The following BZW2 variants were observed in gnomAD, a reference collection of about 807,000 sequenced individuals.
BZW2 encodes basic leucine zipper and W2 domains 2.
In BZW2, 23 loss-of-function variants were observed where a neutral mutation model predicts 53.2. The observed-to-expected ratio is 0.43, with a 90% confidence interval of 0.31 to 0.61. The LOEUF is 0.61. BZW2 is among the 20% of genes least tolerant of loss of function. BZW2 has a pLI of 0.09. For missense variants in BZW2, 409 were observed against 503.1 expected (o/e 0.81, Z 1.79); for synonymous variants, 227 against 186.4 (o/e 1.22, Z -1.77).
intron 1 of BZW2, among the ~76,000 whole-genome samples, chr7:16,650,522 T>G (rs928825012): frequency 1.3e-5 from 2 of 152,208 alleles, no homozygotes; most frequent in Non-Finnish European, 2.9e-5. Flanking sequence ...ACTCAGTGTT[T>G]GCTTAGCTGA....
chr7:16,673,900 T>C (rs1782684417), intron 2 of BZW2, among the ~76,000 whole-genome samples: 1 of 152,102 alleles, frequency 6.6e-6, no homozygotes, highest in African/African-American at 2.4e-5. Context: ...GTTATTATTA[T>C]TATTTTTAAT....
chr7:16,648,941 T>C (rs920613152), intron 1 of BZW2, among the ~76,000 whole-genome samples: 3 of 152,200 alleles, frequency 2.0e-5, no homozygotes, highest in African/African-American at 7.2e-5. Flanking sequence ...TACATGCTAG[T>C]AAATACATTT....
In BZW2 at chr7:16,666,501, C is replaced by G. The variant is rs1364540953; in HGVS notation, c.58+1000C>G. ...CACTGCAACCTCCTCCTCCCAGGTT[C>G]AAGCGATTCTCCTGCCTCAGCCTCC... On this transcript the variant is annotated intron_variant, in intron 2 of 11. Coordinates refer to ENST00000258761, the MANE Select transcript of BZW2 (RefSeq NM_014038.3). 3.0e-4 allele frequency among the ~76,000 whole-genome samples: 46 copies of G among 151,980 alleles called. 1 individual carries two copies. The highest frequency in any genetic ancestry group is 3.0e-3 in the Admixed American group (46 of 15,252).
At chr7:16,656,655 G>A (rs1782133641) in intron 1 of BZW2, among the ~76,000 whole-genome samples, 1 of 150,968 alleles carries the variant, frequency 6.6e-6, no homozygotes, top group Admixed American at 6.6e-5. Context: ...TTTAATTGTT[G>A]CAAAATGGTG....
At chr7:16,683,132 G>T (rs1410590908) in intron 5 of BZW2, among the ~76,000 whole-genome samples, 1 of 152,118 alleles carries the variant, frequency 6.6e-6, no homozygotes, top group Non-Finnish European at 1.5e-5. Context: ...GGCAGCAGAG[G>T]CTTCAGTAAG....
At chr7:16,684,964 C>T (rs193246285) in intron 5 of BZW2, among the ~76,000 whole-genome samples, 9 of 152,310 alleles carry the variant, frequency 5.9e-5, no homozygotes, top group African/African-American at 1.4e-4. Context: ...ACACTTAAGT[C>T]TCTATCAATG....
intron 5 of BZW2, among the ~76,000 whole-genome samples, chr7:16,685,586 T>C (rs1426302601): frequency 2.6e-5 from 4 of 152,194 alleles, no homozygotes; most frequent in Non-Finnish European, 5.9e-5. Context: ...TACTTAACTC[T>C]CTTGCATGCA....
At chr7:16,667,053 C>T (rs540359744) in intron 2 of BZW2, among the ~76,000 whole-genome samples, 28 of 152,174 alleles carry the variant, frequency 1.8e-4, no homozygotes, top group South Asian at 2.1e-4. Flanking sequence ...GAGGCCGAGG[C>T]GAGTGGATCA....
Position 16,676,513 on chromosome 7 carries a change from G to A in BZW2, c.235+1925G>A, listed in dbSNP as rs534809047. ...CAGTGAGCCGAGATCACACCATTGCGATCTTCAAAAGGAACATTATATTTA... is the reference window on the plus strand; with the variant it reads ...CAGTGAGCCGAGATCACACCATTGCAATCTTCAAAAGGAACATTATATTTA... On this transcript the variant is annotated intron_variant, in intron 3 of 11. Coordinates refer to ENST00000258761, the MANE Select transcript of BZW2 (RefSeq NM_014038.3). Among the ~76,000 whole-genome samples, 17 of 152,218 alleles carry A rather than the reference G, an allele frequency of 1.1e-4. No homozygotes were observed. The Middle Eastern group carries it at 0.01, about 91-fold the overall frequency.
At chr7:16,660,403 A>C (rs1782224585) in intron 1 of BZW2, among the ~76,000 whole-genome samples, 3 of 150,484 alleles carry the variant, frequency 2.0e-5, no homozygotes, top group Non-Finnish European at 4.4e-5. Context: ...CCATATTTAA[A>C]AAAAAAAAAA....
chr7:16,677,051 C>CTTTTTTTTT (rs10660587), intron 3 of BZW2, among the ~76,000 whole-genome samples: 1 of 130,072 alleles, frequency 7.7e-6, no homozygotes, highest in Non-Finnish European at 1.6e-5. Flanking sequence ...GCCCAGATTT[C>CTTTTTTTTT]TTTTTTTTTT....
At chr7:16,658,451 T>C (rs1023955926) in intron 1 of BZW2, among the ~76,000 whole-genome samples, 1 of 152,142 alleles carries the variant, frequency 6.6e-6, no homozygotes, top group Non-Finnish European at 1.5e-5. Flanking sequence ...TAGTTTAAGG[T>C]GTAAAGTAGT....
chr7:16,691,600 A>G (rs1783308290), intron 7 of BZW2, among the ~76,000 whole-genome samples: 1 of 152,230 alleles, frequency 6.6e-6, no homozygotes, highest in Non-Finnish European at 1.5e-5. Flanking sequence ...GGACGCTGCC[A>G]TGCCTGGCAA....
intron 3 of BZW2, among the ~76,000 whole-genome samples, chr7:16,679,084 A>G (rs1394592418): frequency 6.6e-6 from 1 of 152,188 alleles, no homozygotes; most frequent in African/African-American, 2.4e-5. Context: ...GAGAGCAGAC[A>G]CAACTGGTCT....
At chr7:16,694,609 G>C (rs1301685709) in intron 7 of BZW2, among the ~76,000 whole-genome samples, 1 of 152,156 alleles carries the variant, frequency 6.6e-6, no homozygotes, top group Non-Finnish European at 1.5e-5. Flanking sequence ...TAGGGTCCAA[G>C]TTTATCTCAA....
chr7:16,699,590 A>T (rs1783606456), intron 10 of BZW2, among the ~76,000 whole-genome samples: 1 of 152,192 alleles, frequency 6.6e-6, no homozygotes, highest in Non-Finnish European at 1.5e-5. Context: ...TATAAAAGAT[A>T]ACCCAACCAG....
intron 7 of BZW2, among the ~76,000 whole-genome samples, chr7:16,692,733 C>A (rs1783349508): frequency 6.6e-6 from 1 of 152,128 alleles, no homozygotes; most frequent in East Asian, 1.9e-4. Flanking sequence ...CACTTCACTC[C>A]GGCCTGGGTG....
chr7:16,681,463 G>T, intron 4 of BZW2, 59 bp downstream of exon 4: 2 of 1,366,916 alleles, frequency 1.5e-6, no homozygotes, highest in Non-Finnish European at 2.1e-6. Context: ...CTCTATAGAA[G>T]CTCTACAGTC....
At chr7:16,679,293 TG>T (rs1394986535) in intron 3 of BZW2, among the ~76,000 whole-genome samples, 23 of 152,254 alleles carry the variant, frequency 1.5e-4, no homozygotes, top group Non-Finnish European at 2.9e-5. Context: ...AGTATTAATT[TG>T]GGGAACTAAC....
Sources: gnomAD v4.1 joint callset for allele counts (sites outside exome capture counted in the v4.1 genomes callset) on GRCh38, gnomAD v4.1.1 for gene constraint, MANE v1.5 for transcripts, NCBI Gene and HGNC (gene_info 2026-07-23, HGNC 2026-07-21) for gene names.